MACROD2: variants seen among roughly 807,000 people sequenced by gnomAD.
The protein encoded by MACROD2 is ADP-ribose glycohydrolase MACROD2.
MACROD2 carries 36 observed loss-of-function variants against 70.4 expected under a neutral mutation model. That is an observed-to-expected ratio of 0.51 (90% CI 0.39 to 0.68). MACROD2 has a LOEUF of 0.68. Among genes scored for constraint, MACROD2 ranks in the 30% least tolerant of loss-of-function variants. The pLI is 0.00. For missense variants in MACROD2, 496 were observed against 538.4 expected, an observed-to-expected ratio of 0.92 and a Z score of 0.78; for synonymous variants, 172 against 178.8, an observed-to-expected ratio of 0.96 and a Z score of 0.30.
chr20:16,007,895 A>G (rs750200138), intron 15 of MACROD2, among the ~76,000 whole-genome samples: 3 of 152,172 alleles, frequency 2.0e-5, no homozygotes, highest in Non-Finnish European at 2.9e-5. Flanking sequence ...TAGATATATA[A>G]AATCACCCAA....
At chr20:15,509,394 T>C (rs553197338) in intron 8 of MACROD2, among the ~76,000 whole-genome samples, 1 of 152,174 alleles carries the variant, frequency 6.6e-6, no homozygotes, top group South Asian at 2.1e-4. Context: ...AAATGCAAAC[T>C]CTTTAAAATC....
Position 15,657,400 on chromosome 20 carries a change from A to G in MACROD2, c.645+157553A>G, listed in dbSNP as rs145606865. Among the ~76,000 whole-genome samples, 851 of 152,344 alleles carry G rather than the reference A, an allele frequency of 5.6e-3. 8 individuals carry two copies. The highest frequency in any genetic ancestry group is 0.02 in the African/African-American group (827 of 41,562). On this transcript the variant is annotated intron_variant, in intron 8 of 17. Transcript: ENST00000684519. ...TGCTGGTATGGGGAGGGAGATGAATAAAAGCAGTTCCAAGCTCCAGTGGCT... is the reference window on the plus strand; with the variant it reads ...TGCTGGTATGGGGAGGGAGATGAATGAAAGCAGTTCCAAGCTCCAGTGGCT...
At chr20:15,490,606 C>G (rs2047219868) in intron 7 of MACROD2, among the ~76,000 whole-genome samples, 1 of 152,034 alleles carries the variant, frequency 6.6e-6, no homozygotes, top group Non-Finnish European at 1.5e-5. Context: ...TTGAGGTGAT[C>G]AGACCCAACA....
intron 3 of MACROD2, among the ~76,000 whole-genome samples, chr20:14,490,444 G>A (rs2084781789): frequency 1.3e-5 from 2 of 152,132 alleles, no homozygotes; most frequent in African/African-American, 4.8e-5. Flanking sequence ...ATCTTGTAAT[G>A]ACTCATTTTA....
rs1290311244 is a variant in MACROD2 at position 15,201,807 on chromosome 20, T to C, written c.419-28133T>C. 2.6e-5 allele frequency among the ~76,000 whole-genome samples: 4 copies of C among 152,212 alleles called. No individual in the cohort carries two copies. The East Asian group carries it at 7.7e-4, about 29-fold the overall frequency. Reference sequence around the variant, plus strand: ...CCCTTTGTGACATTCAAATGCAGTCTCCTTTTATTCTGAGATACAGGAAAA... The same window carrying C: ...CCCTTTGTGACATTCAAATGCAGTCCCCTTTTATTCTGAGATACAGGAAAA... On this transcript the variant is annotated intron_variant, in intron 5 of 17. Coordinates refer to ENST00000684519, the MANE Select transcript of MACROD2 (RefSeq NM_001351661.2).
chr20:15,106,542 C>T (rs2075911917), intron 5 of MACROD2, among the ~76,000 whole-genome samples: 1 of 152,138 alleles, frequency 6.6e-6, no homozygotes, highest in Admixed American at 6.5e-5. Context: ...GGCTTGAACC[C>T]TCAGAAGAAA....
intron 8 of MACROD2, among the ~76,000 whole-genome samples, chr20:15,693,331 G>A (rs8118408): frequency 0.043 from 6,561 of 152,162 alleles, 285 homozygotes; most frequent in East Asian, 0.21. Context: ...ATCTCTCTGC[G>A]CTTCACACCA....
intron 8 of MACROD2, among the ~76,000 whole-genome samples, chr20:15,728,065 G>A (rs763622282): frequency 1.3e-5 from 2 of 152,040 alleles, no homozygotes; most frequent in Non-Finnish European, 2.9e-5. Context: ...ATTATTTTGA[G>A]GTATGTTCCT....
chr20:15,439,486 G>A (rs1191740182), intron 7 of MACROD2, among the ~76,000 whole-genome samples: 1 of 152,132 alleles, frequency 6.6e-6, no homozygotes, highest in African/African-American at 2.4e-5. Flanking sequence ...GGAGGACCTG[G>A]CCAGGCGCCA....
intron 7 of MACROD2, among the ~76,000 whole-genome samples, chr20:15,483,481 G>T (rs759914855): frequency 6.6e-6 from 1 of 152,124 alleles, no homozygotes; most frequent in African/African-American, 2.4e-5. Context: ...TTGAAGTCAG[G>T]TAATATCAGT....
intron 5 of MACROD2, among the ~76,000 whole-genome samples, chr20:14,774,247 A>T (rs1170343591): frequency 6.6e-6 from 1 of 152,010 alleles, no homozygotes; most frequent in Non-Finnish European, 1.5e-5. Context: ...TAAAACTCTT[A>T]GGTCATACTT....
At chr20:14,443,069 ACT>A (rs2084143558) in intron 3 of MACROD2, among the ~76,000 whole-genome samples, 3 of 149,794 alleles carry the variant, frequency 2.0e-5, no homozygotes. Flanking sequence ...ACAGAGCGAG[ACT>A]CTGTCTCAAG....
At chr20:14,032,661 T>G (rs1391456613) in intron 2 of MACROD2, among the ~76,000 whole-genome samples, 3 of 152,164 alleles carry the variant, frequency 2.0e-5, no homozygotes, top group Non-Finnish European at 4.4e-5. Flanking sequence ...GTTAACAGTA[T>G]TTTTAAGTTT....
chr20:15,386,239 A>G (rs2045711168), intron 6 of MACROD2, among the ~76,000 whole-genome samples: 1 of 152,182 alleles, frequency 6.6e-6, no homozygotes, highest in Non-Finnish European at 1.5e-5. Context: ...CTTTGCCCTG[A>G]GCTATGTTAT....
intron 3 of MACROD2, among the ~76,000 whole-genome samples, chr20:14,450,557 T>C (rs1405574489): frequency 6.6e-6 from 1 of 152,120 alleles, no homozygotes; most frequent in Non-Finnish European, 1.5e-5. Context: ...TTAATGTTAA[T>C]TTGAAATTTA....
intron 10 of MACROD2, among the ~76,000 whole-genome samples, chr20:15,901,575 T>C (rs1014483226): frequency 6.6e-6 from 1 of 152,244 alleles, no homozygotes; most frequent in Non-Finnish European, 1.5e-5. Context: ...GTCTACAAAA[T>C]GCCCATCTGT....
chr20:14,085,239 A>G (rs73082900), intron 2 of MACROD2, among the ~76,000 whole-genome samples: 5,263 of 151,746 alleles, frequency 0.035, 115 homozygotes, highest in Non-Finnish European at 0.05. Context: ...CTTATCAAGG[A>G]TGCCTTTTAG....
intron 6 of MACROD2, among the ~76,000 whole-genome samples, chr20:15,304,175 A>G (rs2077673693): frequency 6.6e-6 from 1 of 152,066 alleles, no homozygotes; most frequent in African/African-American, 2.4e-5. Flanking sequence ...TTAATTTTGG[A>G]ATAAATGCAT....
chr20:15,363,164 T>TGGA (rs1428854780), intron 6 of MACROD2, among the ~76,000 whole-genome samples: 3 of 152,248 alleles, frequency 2.0e-5, no homozygotes, highest in Non-Finnish European at 2.9e-5. Context: ...TTTGTAAAGC[T>TGGA]GGGTGTTCCC....
Sources: allele counts gnomAD v4.1 joint callset (sites outside exome capture counted in the v4.1 genomes callset), GRCh38; gene constraint gnomAD v4.1.1; transcripts MANE v1.5; gene names NCBI Gene and HGNC (gene_info 2026-07-23, HGNC 2026-07-21).